Variants in CADPS observed in about 807,000 individuals in gnomAD.
The protein encoded by CADPS is calcium dependent secretion activator.
In CADPS, 57 loss-of-function variants were observed where a neutral mutation model predicts 167.3. The observed-to-expected ratio is 0.34, with a 90% CI of 0.28 to 0.42. CADPS has a LOEUF of 0.42. CADPS is among the 20% of genes least tolerant of loss of function. The probability of loss-of-function intolerance (pLI) is 1.00; values close to 1 mark genes in which losing one functional copy is unlikely to be tolerated. For synonymous variants in CADPS, 676 were observed against 635.3 expected, an observed-to-expected ratio of 1.06 and a Z score of -0.96; for missense variants, 1,414 against 1,738.1, an observed-to-expected ratio of 0.81 and a Z score of 3.32.
intron 3 of CADPS, among the ~76,000 whole-genome samples, chr3:62,663,809 C>T (rs1321525586): frequency 6.6e-6 from 1 of 152,114 alleles, no homozygotes; most frequent in African/African-American, 2.4e-5. Context: ...TTTAATCACC[C>T]TGTTCAATTC....
chr3:62,466,442 A>G, intron 24 of CADPS, 29 bp from the exon 25 acceptor site: 1 of 1,471,784 alleles, frequency 6.8e-7, no homozygotes, highest in Non-Finnish European at 9.5e-7. Context: ...AAATATTAGC[A>G]TGTTTGGGAG....
chr3:62,436,959 G>T (rs2055200249), intron 28 of CADPS, among the ~76,000 whole-genome samples: 1 of 151,784 alleles, frequency 6.6e-6, no homozygotes, highest in Admixed American at 6.6e-5. Flanking sequence ...GAATCAGAAA[G>T]CGGTGCCAAC....
At chr3:62,507,811 T>C (rs1337830500) in intron 17 of CADPS, among the ~76,000 whole-genome samples, 2 of 152,366 alleles carry the variant, frequency 1.3e-5, no homozygotes, top group Non-Finnish European at 2.9e-5. Context: ...CATTTCAACT[T>C]GGAAGAACAT....
At chr3:62,575,885 C>T (rs1030829743) in intron 8 of CADPS, among the ~76,000 whole-genome samples, 6 of 152,136 alleles carry the variant, frequency 3.9e-5, no homozygotes, top group African/African-American at 1.4e-4. Context: ...AGGGGCTTTC[C>T]CTCTGAGGTT....
At position 62,721,136 on chromosome 3, in the gene CADPS, A is replaced by T. The variant is rs1473666719; in HGVS notation, c.888+32305T>A. Among the ~76,000 whole-genome samples, 235 of 72,772 alleles carry T rather than the reference A, an allele frequency of 3.2e-3. 1 individual carries two copies. The highest frequency in any genetic ancestry group is 6.8e-3 in the Middle Eastern group (1 of 146). 47.7% of individuals were successfully genotyped at this position (72,772 alleles called of 152,430 possible). A position where few individuals can be genotyped will look rare whatever the true frequency, so the allele number is the denominator to read the frequency against. ...CCGGCAGGTTTTTTTTTTTTTTTTAAAAAAAAAAAGAAGAAAAAAGAAAAA... is the reference window on the plus strand; with the variant it reads ...CCGGCAGGTTTTTTTTTTTTTTTTATAAAAAAAAAGAAGAAAAAAGAAAAA... On this transcript the variant is annotated intron_variant, in intron 3 of 29. Coordinates refer to ENST00000383710, the MANE Select transcript of CADPS (RefSeq NM_003716.4).
At chr3:62,472,391 A>G (rs1347795511) in intron 24 of CADPS, among the ~76,000 whole-genome samples, 2 of 152,214 alleles carry the variant, frequency 1.3e-5, no homozygotes, top group Admixed American at 6.5e-5. Context: ...CAAGGGGAGA[A>G]AAATTAAGGA....
At chr3:62,437,338 T>A (rs1343589142) in intron 28 of CADPS, among the ~76,000 whole-genome samples, 1 of 138,792 alleles carries the variant, frequency 7.2e-6, no homozygotes, top group African/African-American at 2.8e-5. Flanking sequence ...TGAAGCAGGT[T>A]CCTTTTTTTT....
intron 1 of CADPS, among the ~76,000 whole-genome samples, chr3:62,770,494 C>T (rs559187130): frequency 6.6e-6 from 1 of 152,214 alleles, no homozygotes; most frequent in South Asian, 2.1e-4. Flanking sequence ...GGTGCCATGT[C>T]AGCCCACTGC....
At chr3:62,871,780 T>G (rs1197779343) in intron 1 of CADPS, among the ~76,000 whole-genome samples, 1 of 152,172 alleles carries the variant, frequency 6.6e-6, no homozygotes, top group Non-Finnish European at 1.5e-5. Context: ...GTATCAATAT[T>G]AGTTCATTGT....
intron 24 of CADPS, chr3:62,466,706 C>T (rs2059976126): frequency 5.0e-6 from 2 of 396,736 alleles, no homozygotes; most frequent in Non-Finnish European, 9.4e-6. Context: ...GACTTAATGA[C>T]CCAGCAGTGT....
chr3:62,645,761 TCTC>T lies in CADPS; in HGVS notation c.1283_1285del (p.Gly428del). The T allele has an allele frequency of 1.2e-6, 2 of 1,614,112 alleles. No individual in the cohort carries two copies. Among genetic ancestry groups the T allele is most frequent in the Non-Finnish European group, 1.7e-6 (2 of 1,179,978 alleles). On this transcript the variant is annotated inframe_deletion, in exon 6 of 30. Coordinates refer to ENST00000383710, the MANE Select transcript of CADPS (RefSeq NM_003716.4). Reference sequence around the variant, plus strand: ...CTCGGCCTGATCAGTCTGTAGTTTCTCTCCTCCTTCCACCTCCATTGTGCAATA... The same window carrying T: ...CTCGGCCTGATCAGTCTGTAGTTTCTCTCCTTCCACCTCCATTGTGCAATA...
chr3:62,802,865 T>C (rs2152815738), intron 1 of CADPS, among the ~76,000 whole-genome samples: 1 of 152,288 alleles, frequency 6.6e-6, no homozygotes, highest in African/African-American at 2.4e-5. Flanking sequence ...TGGTTCAGAA[T>C]GTTGATCCAG....
chr3:62,627,130 TTG>T (rs10547515), intron 6 of CADPS, among the ~76,000 whole-genome samples: 112,776 of 148,208 alleles, frequency 0.76, 43,137 homozygotes, highest in South Asian at 0.92. Context: ...TACTTTCCAG[TTG>T]TGTGTGTGTG....
intron 26 of CADPS, among the ~76,000 whole-genome samples, chr3:62,447,650 G>T (rs1255724052): frequency 6.6e-6 from 1 of 152,170 alleles, no homozygotes; most frequent in East Asian, 1.9e-4. Context: ...AGGCAAGATT[G>T]CATCAAGGAG....
intron 28 of CADPS, among the ~76,000 whole-genome samples, chr3:62,424,976 G>A (rs2052324997): frequency 6.6e-6 from 1 of 152,146 alleles, no homozygotes; most frequent in African/African-American, 2.4e-5. Flanking sequence ...CAATAACAGT[G>A]CTCTCAGAGG....
At chr3:62,727,121 T>G (rs933302642) in intron 3 of CADPS, among the ~76,000 whole-genome samples, 1 of 151,816 alleles carries the variant, frequency 6.6e-6, no homozygotes, top group African/African-American at 2.4e-5. Context: ...AGAATTCCAT[T>G]CCTGTGCTTC....
chr3:62,720,913 G>T (rs1355677503), intron 3 of CADPS, among the ~76,000 whole-genome samples: 2 of 149,680 alleles, frequency 1.3e-5, no homozygotes, highest in African/African-American at 4.9e-5. Flanking sequence ...CGCCTCCCAG[G>T]TTCACCCCAT....
intron 3 of CADPS, among the ~76,000 whole-genome samples, chr3:62,702,610 G>A (rs2081594285): frequency 6.6e-6 from 1 of 152,102 alleles, no homozygotes; most frequent in Non-Finnish European, 1.5e-5. Flanking sequence ...GGAAATGTTG[G>A]AGTTACTGGG....
intron 1 of CADPS, among the ~76,000 whole-genome samples, chr3:62,788,365 A>G (rs2092647452): frequency 6.6e-6 from 1 of 152,144 alleles, no homozygotes; most frequent in South Asian, 2.1e-4. Context: ...TCAGATAAAA[A>G]CCAACTGAGT....
Sources: allele counts gnomAD v4.1 joint callset (sites outside exome capture counted in the v4.1 genomes callset), GRCh38; gene constraint gnomAD v4.1.1; transcripts MANE v1.5; gene names NCBI Gene and HGNC (gene_info 2026-07-23, HGNC 2026-07-21).